The following APPL1 variants were observed in gnomAD, a reference collection of about 807,000 sequenced individuals.
APPL1 encodes the protein adaptor protein, phosphotyrosine interacting with PH domain and leucine zipper 1.
In APPL1, 42 loss-of-function variants were observed where a neutral mutation model predicts 106.8. That is an observed-to-expected ratio of 0.39 (90% CI 0.31 to 0.51). The LOEUF is 0.51. Ranked by LOEUF, APPL1 falls within the 20% of genes least tolerant of loss-of-function variation. APPL1 has a pLI of 0.75. For synonymous variants in APPL1, 263 were observed against 281.8 expected (o/e 0.93, Z 0.67); for missense variants, 769 against 858.2 (o/e 0.90, Z 1.30).
At chr3:57,262,724 C>T (rs2102628) in intron 19 of APPL1, among the ~76,000 whole-genome samples, 57,620 of 151,496 alleles carry the variant, frequency 0.38, 12,624 homozygotes, top group East Asian at 0.85. Flanking sequence ...TTGAGAATAT[C>T]GTACTAACAA....
rs2060933624 is a variant in APPL1, at chr3:57,270,944, ACCTT to A, written c.*1258_*1261del. 6.6e-6 allele frequency: 1 copy of A among 152,068 alleles called. No homozygotes were observed. Among genetic ancestry groups the A allele is most frequent in the Admixed American group, 6.6e-5 (1 of 15,264 alleles). The allele number at this position is 152,068 out of a possible 1,614,324, so 9.4% of individuals were successfully genotyped here. On this transcript the variant is annotated 3_prime_UTR_variant, in exon 22 of 22. Transcript: ENST00000288266. ...CTCTACTGCCTATTGTTTATGTTAA[ACCTT>A]AATTTTTTTTCTGTAATCACTTTTA...
intron 3 of APPL1, 32 bp from the exon 4 acceptor site, chr3:57,238,013 A>G: frequency 6.5e-7 from 1 of 1,548,152 alleles, no homozygotes; most frequent in East Asian, 2.3e-5. Context: ...CACAGCATTG[A>G]AACTTTACCT....
At chr3:57,237,897 C>T in intron 3 of APPL1, 148 bp from the exon 4 acceptor site, 1 of 621,272 alleles carries the variant, frequency 1.6e-6, no homozygotes, top group Non-Finnish European at 2.8e-6. Flanking sequence ...TTATTATATA[C>T]ATTACACAAT....
chr3:57,247,826 G>C (rs2060783105), intron 9 of APPL1, among the ~76,000 whole-genome samples: 1 of 152,142 alleles, frequency 6.6e-6, no homozygotes, highest in Admixed American at 6.5e-5. Flanking sequence ...AGCCATGAAA[G>C]CTTAGAGAGA....
intron 7 of APPL1, among the ~76,000 whole-genome samples, 162 bp downstream of exon 7, chr3:57,243,076 T>C (rs560644693): frequency 1.1e-4 from 17 of 152,336 alleles, no homozygotes; most frequent in African/African-American, 4.1e-4. Flanking sequence ...CTGATAATCA[T>C]TGACCTCTTT....
In APPL1 at chr3:57,260,725, A is replaced by G; in HGVS notation, c.1793A>G (p.Asn598Ser). The change falls in exon 19 of 22, where the codon AAT (asparagine) becomes AGT (serine). Residue 598 changes from asparagine to serine, a missense_variant. By Grantham distance (46) the Asn-to-Ser change is conservative. Transcript: ENST00000288266. The part of the protein sequence containing the change: ...LRTSSGRSES[N>S]LSSVCYIFES... ...ACATCAAGCGGGAGAAGTGAAAGTAATCTGTCATCAGTCTGCTATATATTT... is the reference window on the plus strand; with the variant it reads ...ACATCAAGCGGGAGAAGTGAAAGTAGTCTGTCATCAGTCTGCTATATATTT... The G allele has an allele frequency of 6.2e-7, 1 of 1,612,550 alleles. No homozygotes were observed. The highest frequency in any genetic ancestry group is 8.5e-7 in the Non-Finnish European group (1 of 1,179,026).
At chr3:57,268,541 A>G in intron 21 of APPL1, 54 bp downstream of exon 21, 5 of 1,501,928 alleles carry the variant, frequency 3.3e-6, no homozygotes, top group Non-Finnish European at 4.4e-6. Context: ...GACTTAATTC[A>G]GCACTATGAC....
In APPL1 at chr3:57,228,067, C is replaced by T. The variant is rs1173384372; in HGVS notation, c.54+130C>T. 2.7e-6 allele frequency: 2 copies of T among 737,350 alleles called. No individual in the cohort carries two copies. The highest frequency in any genetic ancestry group is 5.4e-5 in the South Asian group (1 of 18,432). The allele number at this position is 737,350 out of a possible 1,614,324, so 45.7% of individuals were successfully genotyped here. ...GCCGCCGCCGCCCTAGGTCACCGCCCGTCGCAGGCCGCGCCCGGAGTTGTG... is the reference window on the plus strand; with the variant it reads ...GCCGCCGCCGCCCTAGGTCACCGCCTGTCGCAGGCCGCGCCCGGAGTTGTG... On this transcript the variant is annotated intron_variant, in intron 1 of 21. Coordinates refer to ENST00000288266, the MANE Select transcript of APPL1 (RefSeq NM_012096.3). This position sits in a 1 kb window ranked among gnomAD's most constrained non-coding sequence, Gnocchi z 4.6.
At chr3:57,260,870 TAGTA>T in intron 19 of APPL1, 96 bp downstream of exon 19, 7 of 1,052,442 alleles carry the variant, frequency 6.7e-6, no homozygotes, top group Non-Finnish European at 7.8e-6. Context: ...TTAAATTAGT[TAGTA>T]ATTACTGATT....
chr3:57,245,111 T>G (rs2060765954), intron 7 of APPL1, among the ~76,000 whole-genome samples: 1 of 152,162 alleles, frequency 6.6e-6, no homozygotes, highest in African/African-American at 2.4e-5. Flanking sequence ...GCTGGAGATG[T>G]GTTTACTCTG....
intron 13 of APPL1, 51 bp from the exon 14 acceptor site, chr3:57,256,906 T>C (rs553056171): frequency 4.6e-5 from 66 of 1,448,114 alleles, no homozygotes; most frequent in Non-Finnish European, 6.2e-5. Flanking sequence ...TTCAAACTTT[T>C]GGTTTGCTTA....
rs769044973 is a variant in APPL1, at chr3:57,227,835, A to C, written c.-49A>C. ...CTGCGGCGGGCGGGCCGGCGCGGGGAGCTGTGGGCGGCAGCTGCGTCTCCT... is the reference window on the plus strand; with the variant it reads ...CTGCGGCGGGCGGGCCGGCGCGGGGCGCTGTGGGCGGCAGCTGCGTCTCCT... On this transcript the variant is annotated 5_prime_UTR_variant, in exon 1 of 22. Transcript: ENST00000288266. 7.1e-7 allele frequency: 1 copy of C among 1,417,744 alleles called. No homozygotes were observed. Among genetic ancestry groups the C allele is most frequent in the South Asian group, 1.4e-5 (1 of 72,746 alleles). 87.8% of individuals were successfully genotyped at this position (1,417,744 alleles called of 1,614,324 possible).
rs187360191 is a variant in APPL1 at position 57,264,616 on chromosome 3, A to G, written c.1843-3126A>G. On this transcript the variant is annotated intron_variant, in intron 19 of 21. Transcript: ENST00000288266. ...ATTTTTTTAAAAAATATTTTTGTAT[A>G]TGGTGAGAGAGAGGGGTCTAGTTTT... Among the ~76,000 whole-genome samples, 942 of 151,778 alleles carry G rather than the reference A, an allele frequency of 6.2e-3. 6 individuals carry two copies. Among genetic ancestry groups the G allele is most frequent in the Middle Eastern group, 0.014 (4 of 294 alleles).
Position 57,259,035 on chromosome 3 carries a change from A to G in APPL1, c.1438A>G (p.Asn480Asp), listed in dbSNP as rs749191182. The change falls in exon 16 of 22, where the codon AAT (asparagine) becomes GAT (aspartate). Residue 480 changes from asparagine (N) to aspartate (D), a missense_variant. Transcript: ENST00000288266. ...KAFGQGGRRTNPFGESGGSTK... is the reference protein window; with the variant it reads ...KAFGQGGRRTDPFGESGGSTK... ...TTCTTCTAAACTTTTTAGGCGTACA[A>G]ATCCATTTGGAGAATCTGGAGGAAG... is the stretch of plus-strand genomic sequence containing the variant. 1.9e-6 allele frequency: 3 copies of G among 1,612,924 alleles called. No individual in the cohort carries two copies. Among genetic ancestry groups the G allele is most frequent in the African/African-American group, 1.3e-5 (1 of 75,006 alleles).
intron 19 of APPL1, among the ~76,000 whole-genome samples, chr3:57,267,140 A>G (rs998586878): frequency 2.0e-5 from 3 of 152,200 alleles, no homozygotes; most frequent in Admixed American, 6.5e-5. Flanking sequence ...ATCCATGAGC[A>G]TGGGATGTTC....
chr3:57,238,152 C>T, intron 4 of APPL1, 36 bp downstream of exon 4: 1 of 1,495,356 alleles, frequency 6.7e-7, no homozygotes, highest in Non-Finnish European at 9.2e-7. Flanking sequence ...ATTAAATGGT[C>T]TTATAATTGA....
intron 19 of APPL1, among the ~76,000 whole-genome samples, chr3:57,263,553 C>T (rs1184965266): frequency 1.3e-5 from 2 of 152,052 alleles, no homozygotes; most frequent in African/African-American, 4.8e-5. Context: ...ACATAATGAC[C>T]TCCATGTTCC....
At chr3:57,245,302 T>C (rs1251479524) in intron 7 of APPL1, among the ~76,000 whole-genome samples, 1 of 152,104 alleles carries the variant, frequency 6.6e-6, no homozygotes. Flanking sequence ...AAAAGAACTC[T>C]AGGGAGCACA....
In APPL1 at chr3:57,248,344, G is replaced by T. The variant is rs1435915891; in HGVS notation, c.856G>T (p.Ala286Ser). The part of the protein sequence containing the change: ...NLTRKAGYLN[A>S]RNKTGLVSST... ...AACCCGAAAGGCTGGATACCTTAAT[G>T]CTAGGAAGTAAGAAAACTATTGTTA... Residue 286 changes from alanine to serine, a missense_variant, in exon 10 of 22, where the codon GCT becomes TCT. Transcript: ENST00000288266. The T allele has an allele frequency of 3.7e-6, 6 of 1,613,460 alleles. No homozygotes were observed. Among genetic ancestry groups the T allele is most frequent in the South Asian group, 1.1e-5 (1 of 91,044 alleles).
Sources: allele counts gnomAD v4.1 joint callset (sites outside exome capture counted in the v4.1 genomes callset), GRCh38; gene constraint gnomAD v4.1.1; non-coding constraint Gnocchi (gnomAD v3.1); transcripts MANE v1.5; gene names NCBI Gene and HGNC (gene_info 2026-07-23, HGNC 2026-07-21).